GRK3: variants seen among roughly 807,000 people sequenced by gnomAD.
The protein encoded by GRK3 is G protein-coupled receptor kinase 3.
In GRK3, 54 loss-of-function variants were observed where a neutral mutation model predicts 95.7. The ratio of observed to expected loss-of-function variants is 0.56; its 90% CI spans 0.45 to 0.71. The LOEUF (loss-of-function observed/expected upper bound fraction) is 0.71, where lower values mean the gene tolerates loss of function less well. Ranked by LOEUF, GRK3 falls within the 30% of genes least tolerant of loss-of-function variation. The pLI is 0.00. For missense variants in GRK3, 649 were observed against 851.2 expected, an observed-to-expected ratio of 0.76 and a Z score of 2.96; for synonymous variants, 281 against 290.8, an observed-to-expected ratio of 0.97 and a Z score of 0.34.
chr22:25,596,741 A>T (rs559571624), intron 1 of GRK3, among the ~76,000 whole-genome samples: 2 of 152,194 alleles, frequency 1.3e-5, no homozygotes, highest in African/African-American at 4.8e-5. Flanking sequence ...CTCATAATTT[A>T]CTTGATACTT....
chr22:25,572,407 G>C (rs1242424953), intron 1 of GRK3, among the ~76,000 whole-genome samples: 3 of 152,122 alleles, frequency 2.0e-5, no homozygotes, highest in Non-Finnish European at 4.4e-5. Flanking sequence ...GGTATTTCTA[G>C]TTCTAGATCT....
rs575790102 is a variant in GRK3, at chr22:25,725,712, C to T, written c.*3262C>T. 19 of 398,118 alleles carry T rather than the reference C, an allele frequency of 4.8e-5. No homozygotes were observed. The Middle Eastern group carries it at 1.9e-3, about 40-fold the overall frequency. The allele number at this position is 398,118 out of a possible 1,614,324, so 24.7% of individuals were successfully genotyped here. A position where few individuals can be genotyped will look rare whatever the true frequency, so the allele number is the denominator to read the frequency against. ...CTATAATCCCAGCACTTTGGGAGGCCGAGAGGGGCGGTTCACGAGGTCAGG... is the reference window on the plus strand; with the variant it reads ...CTATAATCCCAGCACTTTGGGAGGCTGAGAGGGGCGGTTCACGAGGTCAGG... On this transcript the variant is annotated 3_prime_UTR_variant, in exon 21 of 21. Transcript: ENST00000324198.
At chr22:25,708,137 A>C (rs1178296427) in intron 15 of GRK3, among the ~76,000 whole-genome samples, 4 of 152,066 alleles carry the variant, frequency 2.6e-5, no homozygotes, top group African/African-American at 9.7e-5. Flanking sequence ...ATTCCCAGCT[A>C]CTCAGAGGCT....
At chr22:25,659,087 C>T (rs1229488620) in intron 3 of GRK3, among the ~76,000 whole-genome samples, 1 of 152,024 alleles carries the variant, frequency 6.6e-6, no homozygotes, top group African/African-American at 2.4e-5. Flanking sequence ...CTAGGGAGAA[C>T]TTAGCTGGTG....
At chr22:25,709,255 T>C (rs1300170049) in intron 15 of GRK3, among the ~76,000 whole-genome samples, 2 of 151,512 alleles carry the variant, frequency 1.3e-5, no homozygotes, top group Non-Finnish European at 2.9e-5. Context: ...GCCAGGATGG[T>C]CTTGATCTCC....
intron 1 of GRK3, among the ~76,000 whole-genome samples, chr22:25,571,100 A>G (rs1406820305): frequency 1.3e-5 from 2 of 152,192 alleles, no homozygotes; most frequent in Non-Finnish European, 2.9e-5. Flanking sequence ...CTTCTCCTGC[A>G]GTTTCAGGAG....
intron 2 of GRK3, among the ~76,000 whole-genome samples, chr22:25,636,628 T>G (rs1189380320): frequency 6.6e-6 from 1 of 152,214 alleles, no homozygotes; most frequent in Non-Finnish European, 1.5e-5. Context: ...GATAAATGTA[T>G]TGACCCACAT....
chr22:25,704,243 C>T (rs1464573470), intron 15 of GRK3, 34 bp downstream of exon 15: 2 of 1,496,154 alleles, frequency 1.3e-6, no homozygotes, highest in Non-Finnish European at 1.9e-6. Flanking sequence ...GGTATCTTTA[C>T]CAGAAGAGCA....
At position 25,673,251 on chromosome 22, in the gene GRK3, A is replaced by G. The variant is rs2084999265; in HGVS notation, c.555+904A>G. On this transcript the variant is annotated intron_variant, in intron 7 of 20. Transcript: ENST00000324198. ...TAATTTTTTGTATTTTTTAGTAGAG[A>G]TGGGGTTTCACCGTGTTTGCCAGGG... Among the ~76,000 whole-genome samples, 3 of 151,964 alleles carry G rather than the reference A, an allele frequency of 2.0e-5. No homozygotes were observed. The South Asian group carries it at 6.2e-4, about 32-fold the overall frequency.
intron 2 of GRK3, among the ~76,000 whole-genome samples, chr22:25,630,459 T>G (rs1363819067): frequency 6.6e-6 from 1 of 152,196 alleles, no homozygotes; most frequent in African/African-American, 2.4e-5. Context: ...ATGAAAAAAT[T>G]GAGTGCAATC....
intron 1 of GRK3, among the ~76,000 whole-genome samples, chr22:25,571,395 A>G (rs900275587): frequency 1.3e-5 from 2 of 152,158 alleles, no homozygotes; most frequent in African/African-American, 4.8e-5. Context: ...TCCCAATAAA[A>G]ATCTGCCTTG....
At position 25,678,921 on chromosome 22, in the gene GRK3, T is replaced by C. The variant is rs2085053353; in HGVS notation, c.747+6T>C. 1.3e-6 allele frequency: 2 copies of C among 1,494,076 alleles called. No individual in the cohort carries two copies. The highest frequency in any genetic ancestry group is 1.8e-6 in the Non-Finnish European group (2 of 1,095,552). 92.6% of individuals were successfully genotyped at this position (1,494,076 alleles called of 1,614,324 possible). A position where few individuals can be genotyped will look rare whatever the true frequency, so the allele number is the denominator to read the frequency against. The stretch of plus-strand genomic sequence containing the variant: ...TGTCTCTTGTCAGCACAGGAGTAAG[T>C]ATTCAATTTCCAGCATTTCTTTTAA... On this transcript the variant is annotated splice_donor_region_variant and intron_variant, in intron 9 of 20. Coordinates refer to ENST00000324198, the MANE Select transcript of GRK3 (RefSeq NM_005160.4).
chr22:25,613,909 CT>C (rs879804686), intron 2 of GRK3, among the ~76,000 whole-genome samples: 513 of 141,644 alleles, frequency 3.6e-3, no homozygotes, highest in Admixed American at 3.9e-3. Flanking sequence ...TGGTTGTCTT[CT>C]TTTTTTTTTT....
chr22:25,577,204 GCTCT>G (rs1931932792), intron 1 of GRK3, among the ~76,000 whole-genome samples: 1 of 150,088 alleles, frequency 6.7e-6, no homozygotes, highest in African/African-American at 2.5e-5. Flanking sequence ...AGACAGTCTC[GCTCT>G]CTTGCCCAGG....
At chr22:25,678,006 G>T (rs1425927790) in intron 8 of GRK3, among the ~76,000 whole-genome samples, 1 of 152,074 alleles carries the variant, frequency 6.6e-6, no homozygotes, top group African/African-American at 2.4e-5. Flanking sequence ...TTGATTCTTT[G>T]TATTATTTAA....
At chr22:25,612,942 A>C (rs990365721) in intron 2 of GRK3, among the ~76,000 whole-genome samples, 2 of 152,078 alleles carry the variant, frequency 1.3e-5, no homozygotes, top group African/African-American at 4.8e-5. Context: ...GTAATTATTA[A>C]AAAAAACCCC....
intron 1 of GRK3, among the ~76,000 whole-genome samples, chr22:25,594,674 C>G (rs1014734514): frequency 6.6e-6 from 1 of 152,038 alleles, no homozygotes; most frequent in African/African-American, 2.4e-5. Context: ...GTCAGGAGAT[C>G]GAGACCATCC....
At chr22:25,596,060 C>A (rs1348109484) in intron 1 of GRK3, among the ~76,000 whole-genome samples, 2 of 152,124 alleles carry the variant, frequency 1.3e-5, no homozygotes, top group Non-Finnish European at 2.9e-5. Context: ...CCACCAACCA[C>A]CCTCTACAAG....
intron 3 of GRK3, chr22:25,647,762 A>G (rs907090397): frequency 9.8e-7 from 1 of 1,024,220 alleles, no homozygotes; most frequent in Non-Finnish European, 1.5e-6. Context: ...GGGAGAAAAG[A>G]TGCTGAAAGA....
Sources: allele counts gnomAD v4.1 joint callset (sites outside exome capture counted in the v4.1 genomes callset), GRCh38; gene constraint gnomAD v4.1.1; transcripts MANE v1.5; gene names NCBI Gene and HGNC (gene_info 2026-07-23, HGNC 2026-07-21).